The following PTPRH variants were observed in gnomAD, a reference collection of about 807,000 sequenced individuals.
PTPRH encodes the protein receptor-type tyrosine-protein phosphatase H.
A neutral mutation model predicts 130.2 loss-of-function variants in PTPRH; 113 were observed. The ratio of observed to expected loss-of-function variants is 0.87; its 90% CI spans 0.75 to 1.01. PTPRH has a LOEUF of 1.01. Among genes scored for constraint, PTPRH ranks in the 50% least tolerant of loss-of-function variants. The pLI is 0.00. For synonymous variants in PTPRH, 556 were observed against 577.9 expected, an observed-to-expected ratio of 0.96 and a Z score of 0.54; for missense variants, 1,430 against 1,425.0, an observed-to-expected ratio of 1.00 and a Z score of -0.06.
At chr19:55,206,992 C>A in intron 2 of PTPRH, 37 bp from the exon 3 acceptor site, 1 of 1,567,660 alleles carries the variant, frequency 6.4e-7, no homozygotes, top group South Asian at 1.2e-5. Context: ...AAAAAGGGAA[C>A]CAGGTCAGTA....
chr19:55,202,311 C>T lies in PTPRH; in HGVS notation c.898G>A (p.Val300Met). The T allele has an allele frequency of 6.2e-7, 1 of 1,614,178 alleles. No homozygotes were observed. The highest frequency in any genetic ancestry group is 8.5e-7 in the Non-Finnish European group (1 of 1,180,010). The part of the protein sequence containing the change: ...IVTSATAPNP[V>M]RNLTVEAQTN... ...TGAGCCTCCACTGTCAGGTTTCTCA[C>T]TGGGTTGGGAGCTGAAAACCAGCAC... The change falls in exon 6 of 20, where the codon GTG becomes ATG. Residue 300 changes from valine (V) to methionine (M), a missense_variant. Val to Met is a conservative substitution (Grantham distance 21). Transcript: ENST00000376350.
In PTPRH at chr19:55,198,599, C is replaced by T. The variant is rs367954358; in HGVS notation, c.1690+44G>A. On this transcript the variant is annotated intron_variant, in intron 8 of 19. Transcript: ENST00000376350. ...CCAAAGTCCTTTCATCTTTTTCCTT[C>T]CCCCATCCTAATAGGGCTGGGTTCA... The T allele has an allele frequency of 9.6e-5, 145 of 1,504,506 alleles. No individual in the cohort carries two copies. The African/African-American group carries it at 1.8e-3, about 19-fold the overall frequency. 93.2% of individuals were successfully genotyped at this position (1,504,506 alleles called of 1,614,324 possible).
chr19:55,196,765 A>C lies in PTPRH; in HGVS notation c.2014T>G (p.Ser672Ala). Residue 672 changes from serine to alanine, a missense_variant, in exon 10 of 20, where the codon TCC becomes GCC. Physicochemically the swap from Ser to Ala is moderately conservative, Grantham distance 99 (BLOSUM62 1). Coordinates refer to ENST00000376350, the MANE Select transcript of PTPRH (RefSeq NM_002842.5). ...TAGCCCGCTGAGGTGCTGACACAGG[A>C]AGTGATGGTGACTGTGTCTGGGTCT... ...STYPDTVTIT[S>A]CVSTSAGYGV... The C allele has an allele frequency of 6.2e-7, 1 of 1,613,928 alleles. No homozygotes were observed. The highest frequency in any genetic ancestry group is 8.5e-7 in the Non-Finnish European group (1 of 1,179,866).
At position 55,200,341 on chromosome 19, in the gene PTPRH, T is replaced by C. The variant is rs889469989; in HGVS notation, c.1315A>G (p.Ser439Gly). ...GTETRNTTNTSVTAERLEPGT... is the reference protein window; with the variant it reads ...GTETRNTTNTGVTAERLEPGT... ...GGCTCAAGTCTCTCAGCTGTCACAC[T>C]GGTATTTGTTGTGTTTCGGGTCTCT... Residue 439 changes from serine to glycine, a missense_variant, in exon 7 of 20, where the codon AGT becomes GGT. Physicochemically the swap from Ser to Gly is moderately conservative, Grantham distance 56. Coordinates refer to ENST00000376350, the MANE Select transcript of PTPRH (RefSeq NM_002842.5). The C allele has an allele frequency of 3.1e-6, 5 of 1,614,060 alleles. No individual in the cohort carries two copies. Among genetic ancestry groups the C allele is most frequent in the African/African-American group, 2.7e-5 (2 of 74,914 alleles).
intron 5 of PTPRH, among the ~76,000 whole-genome samples, chr19:55,203,052 G>A (rs575497001): frequency 6.6e-6 from 1 of 151,422 alleles, no homozygotes; most frequent in East Asian, 2.0e-4. Flanking sequence ...AAAAGGGCTG[G>A]GCACGGTGGC....
chr19:55,207,087 C>T (rs758759389), intron 2 of PTPRH, 79 bp downstream of exon 2: 88 of 1,591,214 alleles, frequency 5.5e-5, no homozygotes, highest in Non-Finnish European at 7.4e-5. Context: ...CTGGACCCCA[C>T]GGGGACCCCC....
At chr19:55,196,430 C>A (rs1332351093) in intron 10 of PTPRH, 92 bp downstream of exon 10, 8 of 1,404,586 alleles carry the variant, frequency 5.7e-6, no homozygotes, top group Non-Finnish European at 7.7e-6. Context: ...AAATGAGAAA[C>A]AAAAGAGTCC....
chr19:55,186,494 G>C lies in PTPRH; in HGVS notation c.2613C>G (p.Gly871=). Residue 871 remains glycine (G), a synonymous_variant, in exon 15 of 20, where the codon GGC becomes GGG. Coordinates refer to ENST00000376350, the MANE Select transcript of PTPRH (RefSeq NM_002842.5). ...TGAAGCTGGCATTGATGTAGTCAGA[G>C]CCTGGCTCCTCATGGATGGGCTTCA... ...VPLKPIHEEP[G]SDYINASFMP... 1 of 1,553,196 alleles carries C rather than the reference G, an allele frequency of 6.4e-7. No individual in the cohort carries two copies. The highest frequency in any genetic ancestry group is 8.6e-7 in the Non-Finnish European group (1 of 1,157,026).
chr19:55,187,553 TGAAGCC>T lies in PTPRH; in HGVS notation c.2520_2525del (p.Ala841_Ser842del). Reference sequence around the variant, plus strand: ...TGTAGCGGTTCTTGGCGTTGTTCTCTGAAGCCGAAGCCACCATCTGAGACTGGCTGT... The same window carrying T: ...TGTAGCGGTTCTTGGCGTTGTTCTCTGAAGCCACCATCTGAGACTGGCTGT... On this transcript the variant is annotated inframe_deletion, in exon 14 of 20. Coordinates refer to ENST00000376350, the MANE Select transcript of PTPRH (RefSeq NM_002842.5). 2 of 1,613,242 alleles carry T rather than the reference TGAAGCC, an allele frequency of 1.2e-6. No individual in the cohort carries two copies. Among genetic ancestry groups the T allele is most frequent in the Non-Finnish European group, 1.7e-6 (2 of 1,179,618 alleles).
intron 10 of PTPRH, chr19:55,194,385 A>G (rs1325292448): frequency 3.4e-6 from 4 of 1,177,166 alleles, no homozygotes; most frequent in Non-Finnish European, 4.3e-6. Flanking sequence ...ACTTGGCCTC[A>G]CAGAATTGGA....
At chr19:55,185,392 T>C in intron 18 of PTPRH, 110 bp downstream of exon 18, 2 of 1,206,044 alleles carry the variant, frequency 1.7e-6, no homozygotes, top group South Asian at 3.0e-5. Context: ...ACCTCCTCCT[T>C]CTCTCCCTCT....
rs140266924 is a variant in PTPRH at position 55,184,023 on chromosome 19, G to A, written c.3062+1479C>T. ...GACATTGCCGGGCACAGTGGTTCAC[G>A]CCTGTAATCCCAGCACTTTGGGAGG... On this transcript the variant is annotated intron_variant, in intron 18 of 19. Coordinates refer to ENST00000376350, the MANE Select transcript of PTPRH (RefSeq NM_002842.5). Among the ~76,000 whole-genome samples the A allele has an allele frequency of 6.6e-4, 101 of 152,078 alleles. 1 individual carries two copies. Among genetic ancestry groups the A allele is most frequent in the African/African-American group, 2.3e-3 (97 of 41,510 alleles).
Position 55,196,658 on chromosome 19 carries a change from C to A in PTPRH, c.2121G>T (p.Gln707His), listed in dbSNP as rs747606973. 6.2e-7 allele frequency: 1 copy of A among 1,614,076 alleles called. No homozygotes were observed. The highest frequency in any genetic ancestry group is 1.1e-5 in the South Asian group (1 of 91,074). ...CAGCCTCCCCACATGAAGATCTGTC[C>A]TGGGAGCCCCGCTGTCCTCCCACCT... ...ELEVGGQRGS[Q>H]DRSSCGEAVS... The change falls in exon 10 of 20, where the codon CAG becomes CAT. Residue 707 changes from glutamine (Q) to histidine (H), a missense_variant. Gln to His is a conservative substitution (Grantham distance 24, BLOSUM62 0). Coordinates refer to ENST00000376350, the MANE Select transcript of PTPRH (RefSeq NM_002842.5).
chr19:55,181,735 G>T lies in PTPRH; in HGVS notation c.*19C>A. ...AGAGCTTGAGGATGCCTGGGCTGCCGACCCAGCCCCCTCGTCACTTAGACC... is the reference window on the plus strand; with the variant it reads ...AGAGCTTGAGGATGCCTGGGCTGCCTACCCAGCCCCCTCGTCACTTAGACC... On this transcript the variant is annotated 3_prime_UTR_variant, in exon 20 of 20. Coordinates refer to ENST00000376350, the MANE Select transcript of PTPRH (RefSeq NM_002842.5). The T allele has an allele frequency of 6.2e-7, 1 of 1,613,708 alleles. No individual in the cohort carries two copies. The highest frequency in any genetic ancestry group is 1.1e-5 in the South Asian group (1 of 91,008).
rs756660098 is a variant in PTPRH, at chr19:55,191,524, T to C, written c.2361A>G (p.Pro787=). 1.3e-5 allele frequency: 21 copies of C among 1,614,104 alleles called. No individual in the cohort carries two copies. The highest frequency in any genetic ancestry group is 1.7e-5 in the Admixed American group (1 of 60,000). ...ACCTAAAGACCAGATCCCTGAGTTC[T>C]GGTTTCTGCTGCTTCTTCTTATTCC... The part of the protein sequence containing the change: ...KRRNKKKQQK[P]ELRDLVFSSP... The change falls in exon 12 of 20, where the codon CCA becomes CCG. Residue 787 remains proline (P), a synonymous_variant. Coordinates refer to ENST00000376350, the MANE Select transcript of PTPRH (RefSeq NM_002842.5).
rs1013342332 is a variant in PTPRH, at chr19:55,209,049, C to T, written c.51+334G>A. Among the ~76,000 whole-genome samples, 3 of 151,670 alleles carry T rather than the reference C, an allele frequency of 2.0e-5. No individual in the cohort carries two copies. Among genetic ancestry groups the T allele is most frequent in the South Asian group, 2.1e-4 (1 of 4,800 alleles). On this transcript the variant is annotated intron_variant, in intron 1 of 19. Transcript: ENST00000376350. This position sits in a 1 kb window ranked among gnomAD's most constrained non-coding sequence, Gnocchi z 4.1. ...GAGGGAGGAGGGGCTGCTTCCTGTC[C>T]GTGAGCACAGCTGTGTGTTGCCTGA...
rs780441443 is a variant in PTPRH, at chr19:55,209,099, C to G, written c.51+284G>C. Among the ~76,000 whole-genome samples, 20 of 151,944 alleles carry G rather than the reference C, an allele frequency of 1.3e-4. No individual in the cohort carries two copies. Among genetic ancestry groups the G allele is most frequent in the Non-Finnish European group, 1.9e-4 (13 of 67,956 alleles). ...AAGCCAGTGTCCCCCGCAGCAGACA[C>G]GACAGTGTCTAAGGGCCCGGGTGAA... On this transcript the variant is annotated intron_variant, in intron 1 of 19. Coordinates refer to ENST00000376350, the MANE Select transcript of PTPRH (RefSeq NM_002842.5). This position sits in a 1 kb window ranked among gnomAD's most constrained non-coding sequence, Gnocchi z 4.1.
intron 7 of PTPRH, 62 bp from the exon 8 acceptor site, chr19:55,198,974 G>A: frequency 7.0e-7 from 1 of 1,427,458 alleles, no homozygotes. Flanking sequence ...CCAGAACACA[G>A]TGATACGCCC....
rs2086194282 is a variant in PTPRH, at chr19:55,182,118, G to A, written c.3096C>T (p.Ala1032=). The change falls in exon 19 of 20, where the codon GCC becomes GCT. Residue 1032 remains alanine (A), a synonymous_variant. Transcript: ENST00000376350. ...AGVGRTGTLI[A]LDVLLRQLQS... ...GCAGCTGCCGGAGCAGGACGTCCAG[G>A]GCAATGAGGGTTCCTGTGCGACCCA... 6.2e-7 allele frequency: 1 copy of A among 1,614,054 alleles called. No individual in the cohort carries two copies. The highest frequency in any genetic ancestry group is 2.2e-5 in the East Asian group (1 of 44,876).
Sources: gnomAD v4.1 joint callset for allele counts (sites outside exome capture counted in the v4.1 genomes callset) on GRCh38, gnomAD v4.1.1 for gene constraint, Gnocchi (gnomAD v3.1) non-coding constraint, MANE v1.5 for transcripts, NCBI Gene and HGNC (gene_info 2026-07-23, HGNC 2026-07-21) for gene names.